Variants in NCOA2 observed in about 807,000 individuals in gnomAD.
NCOA2 encodes the protein nuclear receptor coactivator 2.
A neutral mutation model predicts 145.1 loss-of-function variants in NCOA2; 21 were observed. That is an observed-to-expected ratio of 0.14 (90% CI 0.10 to 0.21). The LOEUF (loss-of-function observed/expected upper bound fraction) is 0.21, where lower values mean the gene tolerates loss of function less well. NCOA2 is among the 10% of genes least tolerant of loss of function. The pLI is 1.00. For missense variants in NCOA2, 1,472 were observed against 1,837.6 expected, an observed-to-expected ratio of 0.80 and a Z score of 3.64; for synonymous variants, 619 against 637.5, an observed-to-expected ratio of 0.97 and a Z score of 0.44.
the NCOA2 span, among the ~76,000 whole-genome samples, chr8:70,441,445 GAAAA>G: frequency 8.4e-6 from 1 of 119,252 alleles, no homozygotes; most frequent in Non-Finnish European, 1.8e-5. Context: ...AAAGAAAAAA[GAAAA>G]AAGAAAGAAA....
intron 2 of NCOA2, among the ~76,000 whole-genome samples, chr8:70,274,735 A>T (rs1825341606): frequency 6.6e-6 from 1 of 152,260 alleles, no homozygotes; most frequent in Non-Finnish European, 1.5e-5. Context: ...TATAGAACAC[A>T]GCAATTATTC....
At chr8:70,129,673 C>T (rs1808863226) in intron 16 of NCOA2, among the ~76,000 whole-genome samples, 1 of 152,014 alleles carries the variant, frequency 6.6e-6, no homozygotes, top group Non-Finnish European at 1.5e-5. Context: ...TCTGTCACTC[C>T]TGACTTTTTT....
chr8:70,309,182 C>A (rs1419565125), intron 1 of NCOA2, among the ~76,000 whole-genome samples: 1 of 152,126 alleles, frequency 6.6e-6, no homozygotes, highest in Non-Finnish European at 1.5e-5. Context: ...ATTATAGCCC[C>A]TGACAGTTCC....
At chr8:70,166,241 T>A (rs1191135910) in intron 7 of NCOA2, among the ~76,000 whole-genome samples, 1 of 152,218 alleles carries the variant, frequency 6.6e-6, no homozygotes, top group Non-Finnish European at 1.5e-5. Context: ...GCTAACTGCA[T>A]GTGGCTATTC....
rs768148224 is a variant in NCOA2 at position 70,159,624 on chromosome 8, T to C, written c.1005A>G (p.Gln335=). Residue 335 remains glutamine, a synonymous_variant, in exon 10 of 23, where the codon CAA becomes CAG. Transcript: ENST00000452400. The part of the protein sequence containing the change: ...EVLRQGLAFS[Q]IYRFSLSDGT... ...CATCAGACAAGGAAAAACGATAGAT[T>C]TGACTGAATGCCAATCCTTGTCTCA... 3.2e-5 allele frequency: 51 copies of C among 1,612,704 alleles called. No individual in the cohort carries two copies. In the Admixed American group the frequency reaches 6.5e-4, roughly 21 times the overall value.
At chr8:70,302,929 G>C (rs1201575355) in intron 1 of NCOA2, among the ~76,000 whole-genome samples, 1 of 152,112 alleles carries the variant, frequency 6.6e-6, no homozygotes, top group African/African-American at 2.4e-5. Flanking sequence ...ATATGACACA[G>C]TGAAAAATAA....
chr8:70,247,933 T>C (rs1000476508), intron 2 of NCOA2, among the ~76,000 whole-genome samples: 1 of 152,224 alleles, frequency 6.6e-6, no homozygotes, highest in African/African-American at 2.4e-5. Flanking sequence ...TCTGTCCCTC[T>C]CTCATATTTT....
chr8:70,363,613 G>C (rs369996728), intron 1 of NCOA2, among the ~76,000 whole-genome samples: 1 of 151,966 alleles, frequency 6.6e-6, no homozygotes, highest in African/African-American at 2.4e-5. Context: ...CAATAAAAAG[G>C]AATAAACTAC....
chr8:70,128,402 A>G (rs769036677), intron 18 of NCOA2, 31 bp downstream of exon 18: 3 of 1,586,584 alleles, frequency 1.9e-6, no homozygotes, highest in South Asian at 1.1e-5. Flanking sequence ...CATGCATACA[A>G]TGAAAGCTAA....
Position 70,109,912 on chromosome 8 carries a change from T to G in NCOA2, c.*3720A>C, listed in dbSNP as rs1392273870. 1.1e-5 allele frequency: 2 copies of G among 184,996 alleles called. No individual in the cohort carries two copies. The highest frequency in any genetic ancestry group is 4.7e-5 in the African/African-American group (2 of 42,708). 11.5% of individuals were successfully genotyped at this position (184,996 alleles called of 1,614,324 possible). A position where few individuals can be genotyped will look rare whatever the true frequency, so the allele number is the denominator to read the frequency against. Reference sequence around the variant, plus strand: ...CAATATTAACTTGCATAAATGTATTTAAAATTTCTCTGAATATATCTACCT... The same window carrying G: ...CAATATTAACTTGCATAAATGTATTGAAAATTTCTCTGAATATATCTACCT... On this transcript the variant is annotated 3_prime_UTR_variant, in exon 23 of 23. Transcript: ENST00000452400.
At chr8:70,207,862 CA>C (rs754670876) in intron 4 of NCOA2, among the ~76,000 whole-genome samples, 238 of 36,190 alleles carry the variant, frequency 6.6e-3, no homozygotes, top group South Asian at 0.021. Context: ...GACTCCACCT[CA>C]AAAAAAAAAA....
chr8:70,393,327 C>T (rs1813369826), intron 1 of NCOA2, among the ~76,000 whole-genome samples: 1 of 152,200 alleles, frequency 6.6e-6, no homozygotes, highest in Non-Finnish European at 1.5e-5. Context: ...TTCTGTTCCA[C>T]AATTAAGGAT....
In NCOA2 at chr8:70,121,295, T is replaced by G; in HGVS notation, c.4383+7A>C. The G allele has an allele frequency of 6.2e-7, 1 of 1,609,786 alleles. No homozygotes were observed. The highest frequency in any genetic ancestry group is 8.5e-7 in the Non-Finnish European group (1 of 1,177,410). On this transcript the variant is annotated splice_region_variant and intron_variant, in intron 22 of 22. Transcript: ENST00000452400. ...CCATATTCATATATTTCACTGTTCT[T>G]TCTTACCCGTGTTGTGTCTCCCTCC...
At chr8:70,313,309 G>A (rs888889383) in intron 1 of NCOA2, among the ~76,000 whole-genome samples, 2 of 152,132 alleles carry the variant, frequency 1.3e-5, no homozygotes, top group Non-Finnish European at 2.9e-5. Flanking sequence ...TCTAGGCAAC[G>A]ATGAGTTCCC....
the NCOA2 span, among the ~76,000 whole-genome samples, chr8:70,419,163 G>C: frequency 6.7e-6 from 1 of 150,110 alleles, no homozygotes; most frequent in Admixed American, 6.6e-5. Context: ...CAGTGTATTT[G>C]GCTTGGTTTC....
intron 2 of NCOA2, among the ~76,000 whole-genome samples, chr8:70,266,175 C>A (rs1824570771): frequency 6.6e-6 from 1 of 151,980 alleles, no homozygotes; most frequent in African/African-American, 2.4e-5. Flanking sequence ...AACAAACAAA[C>A]AAAAAGAGAT....
intron 1 of NCOA2, among the ~76,000 whole-genome samples, chr8:70,398,436 G>A (rs540105112): frequency 6.6e-6 from 1 of 152,138 alleles, no homozygotes; most frequent in Non-Finnish European, 1.5e-5. Flanking sequence ...ACTCCAGCCT[G>A]GATGACAGAG....
chr8:70,398,040 G>C (rs1813856200), intron 1 of NCOA2, among the ~76,000 whole-genome samples: 1 of 152,150 alleles, frequency 6.6e-6, no homozygotes, highest in Admixed American at 6.5e-5. Context: ...GCTCTGTAAT[G>C]GATGGTTTAT....
chr8:70,112,490 G>A lies in NCOA2; in HGVS notation c.*1142C>T, dbSNP rs531649184. On this transcript the variant is annotated 3_prime_UTR_variant, in exon 23 of 23. Coordinates refer to ENST00000452400, the MANE Select transcript of NCOA2 (RefSeq NM_006540.4). Reference sequence around the variant, plus strand: ...ACACATGGCAGAGGTTAAATCTGTCGTGATATCTGCTATCAATTTAAACAC... The same window carrying A: ...ACACATGGCAGAGGTTAAATCTGTCATGATATCTGCTATCAATTTAAACAC... The A allele has an allele frequency of 3.9e-5, 8 of 202,852 alleles. No homozygotes were observed. The highest frequency in any genetic ancestry group is 1.2e-4 in the Admixed American group (2 of 16,740). The allele number at this position is 202,852 out of a possible 1,614,324, so 12.6% of individuals were successfully genotyped here.
Sources: allele counts gnomAD v4.1 joint callset (sites outside exome capture counted in the v4.1 genomes callset), GRCh38; gene constraint gnomAD v4.1.1; transcripts MANE v1.5; gene names NCBI Gene and HGNC (gene_info 2026-07-23, HGNC 2026-07-21).